The following PTPN13 variants were observed in gnomAD, a reference collection of about 807,000 sequenced individuals.
PTPN13 encodes protein tyrosine phosphatase non-receptor type 13.
PTPN13 carries 191 observed loss-of-function variants against 284.0 expected under a neutral mutation model. The observed-to-expected ratio is 0.67, with a 90% CI of 0.60 to 0.76. The LOEUF (loss-of-function observed/expected upper bound fraction) is 0.76. PTPN13 is among the 30% of genes least tolerant of loss of function. The probability of loss-of-function intolerance (pLI) is 0.00; values close to 1 mark genes in which losing one functional copy is unlikely to be tolerated. For synonymous variants in PTPN13, 986 were observed against 1,022.3 expected (o/e 0.96, Z 0.68); for missense variants, 2,797 against 2,939.9 (o/e 0.95, Z 1.12).
At chr4:86,702,932 A>G (rs955366917) in intron 7 of PTPN13, among the ~76,000 whole-genome samples, 6 of 152,132 alleles carry the variant, frequency 3.9e-5, no homozygotes, top group Non-Finnish European at 7.4e-5. Context: ...AATATTTTTT[A>G]TTAATATATT....
rs1236071395 is a variant in PTPN13 at position 86,701,604 on chromosome 4, C to G, written c.998C>G (p.Thr333Ser). Residue 333 changes from threonine (T) to serine (S), a missense_variant, in exon 7 of 48, where the codon ACT becomes AGT. Thr to Ser is a moderately conservative substitution (Grantham distance 58, BLOSUM62 1). Transcript: ENST00000411767. ...CACCCTGAGGCAGTAACAGTGCGGACTTCAACTACTCCTAGAAAAAAGGAG... is the reference window on the plus strand; with the variant it reads ...CACCCTGAGGCAGTAACAGTGCGGAGTTCAACTACTCCTAGAAAAAAGGAG... Reference protein sequence around the residue: ...RCHPEAVTVRTSTTPRKKEAR... With the variant: ...RCHPEAVTVRSSTTPRKKEAR... 1 of 1,613,932 alleles carries G rather than the reference C, an allele frequency of 6.2e-7. No homozygotes were observed. The highest frequency in any genetic ancestry group is 1.7e-5 in the Admixed American group (1 of 60,020).
At chr4:86,777,199 C>T (rs1320613924) in intron 35 of PTPN13, among the ~76,000 whole-genome samples, 1 of 152,122 alleles carries the variant, frequency 6.6e-6, no homozygotes, top group Admixed American at 6.5e-5. Context: ...GTCTGAAATA[C>T]AAAATGGGCC....
chr4:86,727,804 C>G (rs1294084261), intron 10 of PTPN13, among the ~76,000 whole-genome samples: 2 of 149,050 alleles, frequency 1.3e-5, no homozygotes, highest in Admixed American at 1.3e-4. Context: ...TTTTTTCTGT[C>G]TCTATCTCCT....
intron 41 of PTPN13, among the ~76,000 whole-genome samples, chr4:86,798,835 C>T (rs1403012768): frequency 6.6e-6 from 1 of 152,214 alleles, no homozygotes; most frequent in Non-Finnish European, 1.5e-5. Context: ...AGAAATAAAA[C>T]CACCACCTTC....
At position 86,741,693 on chromosome 4, in the gene PTPN13, G is replaced by A; in HGVS notation, c.2364G>A (p.Lys788=). 3 of 1,613,670 alleles carry A rather than the reference G, an allele frequency of 1.9e-6. No homozygotes were observed. Among genetic ancestry groups the A allele is most frequent in the Non-Finnish European group, 2.5e-6 (3 of 1,179,708 alleles). The stretch of plus-strand genomic sequence containing the variant: ...TTCACCGAGTGCACCCTGAGAAGAA[G>A]TCACAAACAGGAATATTGCTTGGAG... ...VHFHRVHPEK[K]SQTGILLGVC... Residue 788 remains lysine (K), a synonymous_variant, in exon 16 of 48, where the codon AAG becomes AAA. Transcript: ENST00000411767.
intron 28 of PTPN13, among the ~76,000 whole-genome samples, chr4:86,768,746 T>C (rs2149266563): frequency 6.6e-6 from 1 of 150,872 alleles, no homozygotes; most frequent in East Asian, 1.9e-4. Context: ...AGTCTCGTTC[T>C]GTTGCCCAGG....
At chr4:86,691,146 G>A (rs1484117728) in intron 5 of PTPN13, among the ~76,000 whole-genome samples, 2 of 151,718 alleles carry the variant, frequency 1.3e-5, no homozygotes, top group Non-Finnish European at 2.9e-5. Context: ...AGGACTACTT[G>A]AGCCTGGGAG....
At chr4:86,682,581 T>C (rs1170752252) in intron 3 of PTPN13, among the ~76,000 whole-genome samples, 1 of 152,178 alleles carries the variant, frequency 6.6e-6, no homozygotes, top group Non-Finnish European at 1.5e-5. Context: ...TACTTGCCTG[T>C]TTTTGAATAA....
intron 2 of PTPN13, among the ~76,000 whole-genome samples, chr4:86,659,091 A>G (rs1289930605): frequency 2.0e-5 from 3 of 152,164 alleles, no homozygotes; most frequent in Non-Finnish European, 2.9e-5. Flanking sequence ...TATTATCACT[A>G]TAACAACCTA....
intron 31 of PTPN13, among the ~76,000 whole-genome samples, chr4:86,772,545 C>A (rs1262797086): frequency 6.6e-6 from 1 of 151,958 alleles, no homozygotes; most frequent in Non-Finnish European, 1.5e-5. Context: ...CAGAGTGAGA[C>A]CGTGTCTCAA....
At chr4:86,624,293 T>C (rs867478943) in intron 1 of PTPN13, among the ~76,000 whole-genome samples, 64 of 152,112 alleles carry the variant, frequency 4.2e-4, no homozygotes, top group African/African-American at 1.5e-3. Context: ...TCTCTACTTA[T>C]TTGTTGGTTG....
chr4:86,799,274 G>A (rs1273036868), intron 42 of PTPN13, 70 bp downstream of exon 42: 1 of 932,510 alleles, frequency 1.1e-6, no homozygotes, highest in African/African-American at 1.7e-5. Context: ...GTGATTTTCA[G>A]ACTATATGGA....
At chr4:86,733,334 CTT>C (rs994935526) in intron 12 of PTPN13, among the ~76,000 whole-genome samples, 3 of 152,010 alleles carry the variant, frequency 2.0e-5, no homozygotes, top group African/African-American at 7.2e-5. Context: ...CAGTAAGAAA[CTT>C]TTTGGAATTC....
At chr4:86,736,730 A>G (rs1735563117) in intron 15 of PTPN13, among the ~76,000 whole-genome samples, 1 of 152,224 alleles carries the variant, frequency 6.6e-6, no homozygotes, top group Non-Finnish European at 1.5e-5. Flanking sequence ...GAGGATTTGC[A>G]GACAGACAGT....
chr4:86,684,312 T>C (rs757437639), intron 3 of PTPN13, among the ~76,000 whole-genome samples: 2 of 152,076 alleles, frequency 1.3e-5, no homozygotes, highest in Non-Finnish European at 2.9e-5. Context: ...CCAGAGACAA[T>C]ATTTTTGGTG....
chr4:86,650,148 GGATAATTTTTGTGTTTTTAGTAGA>G, intron 2 of PTPN13, among the ~76,000 whole-genome samples: 1 of 151,434 alleles, frequency 6.6e-6, no homozygotes, highest in South Asian at 2.1e-4. Flanking sequence ...CACCACACCC[GGATAATTTTTGTGTTTTTAGTAGA>G]GATGGGGTTC....
At chr4:86,600,029 G>A (rs969396861) in intron 1 of PTPN13, among the ~76,000 whole-genome samples, 1 of 151,982 alleles carries the variant, frequency 6.6e-6, no homozygotes, top group Non-Finnish European at 1.5e-5. Context: ...TTTTTCTTTT[G>A]CATACAGAAA....
intron 44 of PTPN13, among the ~76,000 whole-genome samples, chr4:86,806,833 A>C (rs564243782): frequency 6.6e-6 from 1 of 152,212 alleles, no homozygotes. Context: ...AATACATATA[A>C]ATTTATTCTC....
At chr4:86,643,382 C>G (rs1724041034) in intron 2 of PTPN13, among the ~76,000 whole-genome samples, 1 of 152,080 alleles carries the variant, frequency 6.6e-6, no homozygotes, top group East Asian at 1.9e-4. Flanking sequence ...ATAATTATTT[C>G]ACTGTATTTC....
Sources: allele counts gnomAD v4.1 joint callset (sites outside exome capture counted in the v4.1 genomes callset), GRCh38; gene constraint gnomAD v4.1.1; transcripts MANE v1.5; gene names NCBI Gene and HGNC (gene_info 2026-07-23, HGNC 2026-07-21).